Variants in POLDIP3 observed in about 807,000 individuals in gnomAD.
POLDIP3 encodes the protein DNA polymerase delta interacting protein 3, also known as polymerase delta-interacting protein 3.
A neutral mutation model predicts 45.1 loss-of-function variants in POLDIP3; 14 were observed. The ratio of observed to expected loss-of-function variants is 0.31; its 90% CI spans 0.20 to 0.49. The LOEUF (loss-of-function observed/expected upper bound fraction) is 0.49. POLDIP3 is among the 20% of genes least tolerant of loss of function. POLDIP3 has a pLI of 0.99. For synonymous variants in POLDIP3, 223 were observed against 205.2 expected (o/e 1.09, Z -0.74); for missense variants, 511 against 538.8 (o/e 0.95, Z 0.51).
chr22:42,586,207 C>T (rs757274266), intron 8 of POLDIP3, among the ~76,000 whole-genome samples: 1 of 152,072 alleles, frequency 6.6e-6, no homozygotes, highest in Non-Finnish European at 1.5e-5. Context: ...AGGCGTGTAC[C>T]ACCATGCCTG....
rs1007487273 is a variant in POLDIP3 at position 42,602,713 on chromosome 22, CT to C, written c.450+56del. 2.0e-5 allele frequency: 30 copies of C among 1,534,080 alleles called. No homozygotes were observed. In the African/African-American group the frequency reaches 4.1e-4, roughly 21 times the overall value. On this transcript the variant is annotated intron_variant, in intron 2 of 8. Coordinates refer to ENST00000252115, the MANE Select transcript of POLDIP3 (RefSeq NM_032311.5). ...CCCAGTCACTCCTGGCACCTTGCCT[CT>C]AAATCTACCTTTGTTACTAGCTTTC...
At chr22:42,594,837 T>C (rs1173365406) in intron 6 of POLDIP3, among the ~76,000 whole-genome samples, 2 of 152,218 alleles carry the variant, frequency 1.3e-5, no homozygotes, top group South Asian at 2.1e-4. Context: ...TTTGGAATCA[T>C]CTTGTAATAC....
chr22:42,610,236 A>G (rs932260916), intron 1 of POLDIP3, among the ~76,000 whole-genome samples: 6 of 152,224 alleles, frequency 3.9e-5, no homozygotes, highest in African/African-American at 1.4e-4. Context: ...CAGATGTTTC[A>G]TTTTAAAACA....
At position 42,584,237 on chromosome 22, in the gene POLDIP3, TAGG is replaced by T. The variant is rs1024426868; in HGVS notation, c.*1551_*1553del. On this transcript the variant is annotated 3_prime_UTR_variant, in exon 9 of 9. Coordinates refer to ENST00000252115, the MANE Select transcript of POLDIP3 (RefSeq NM_032311.5). ...GAAGTCTGCACCCACTTGAAAGGGT[TAGG>T]AGAATAAAAAGCAGCATTCTTTAAA... 4 of 153,580 alleles carry T rather than the reference TAGG, an allele frequency of 2.6e-5. No homozygotes were observed. Among genetic ancestry groups the T allele is most frequent in the African/African-American group, 7.2e-5 (3 of 41,432 alleles). The allele number at this position is 153,580 out of a possible 1,614,324, so 9.5% of individuals were successfully genotyped here.
At chr22:42,597,763 A>G (rs996371504) in intron 4 of POLDIP3, 5 of 461,154 alleles carry the variant, frequency 1.1e-5, no homozygotes, top group African/African-American at 1.0e-4. Context: ...AACTGGCATC[A>G]TTCAGCTTCA....
chr22:42,594,494 G>A (rs1925864501), intron 6 of POLDIP3, among the ~76,000 whole-genome samples: 1 of 152,208 alleles, frequency 6.6e-6, no homozygotes, highest in Non-Finnish European at 1.5e-5. Flanking sequence ...TTGGGTGACA[G>A]AGTGAGACTC....
intron 6 of POLDIP3, 36 bp downstream of exon 6, chr22:42,595,501 T>G: frequency 9.5e-6 from 15 of 1,583,472 alleles, no homozygotes; most frequent in East Asian, 2.2e-5. Context: ...CAGAGGCAGT[T>G]TGAGATTTAA....
At chr22:42,612,449 G>A (rs138374211) in intron 1 of POLDIP3, among the ~76,000 whole-genome samples, 17 of 152,348 alleles carry the variant, frequency 1.1e-4, no homozygotes, top group Non-Finnish European at 1.2e-4. Context: ...TGCTCCAGGG[G>A]CGTTGTGTGC....
chr22:42,600,765 T>C (rs1343673844), intron 3 of POLDIP3, among the ~76,000 whole-genome samples: 1 of 151,290 alleles, frequency 6.6e-6, no homozygotes, highest in Non-Finnish European at 1.5e-5. Flanking sequence ...AGGTCAGGAG[T>C]TCGAGATCAG....
intron 1 of POLDIP3, among the ~76,000 whole-genome samples, chr22:42,606,709 T>A (rs962117230): frequency 1.3e-5 from 2 of 152,220 alleles, no homozygotes; most frequent in African/African-American, 4.8e-5. Context: ...ACTACAGCCT[T>A]GACCTCCTGC....
chr22:42,601,843 C>A (rs528426643), intron 3 of POLDIP3, 127 bp downstream of exon 3: 1 of 1,162,430 alleles, frequency 8.6e-7, no homozygotes, highest in Non-Finnish European at 1.2e-6. Context: ...ATACTACCAA[C>A]TGGGAACTAC....
rs1276174184 is a variant in POLDIP3 at position 42,584,832 on chromosome 22, G to A, written c.*959C>T. 4.4e-6 allele frequency: 2 copies of A among 453,390 alleles called. No homozygotes were observed. The highest frequency in any genetic ancestry group is 1.4e-4 in the East Asian group (2 of 14,406). 28.1% of individuals were successfully genotyped at this position (453,390 alleles called of 1,614,324 possible). A position where few individuals can be genotyped will look rare whatever the true frequency, so the allele number is the denominator to read the frequency against. On this transcript the variant is annotated 3_prime_UTR_variant, in exon 9 of 9. Transcript: ENST00000252115. ...TCCAGGCATCCCTGACCACTGTCCT[G>A]TAGACAACTGAGGCCAGAAATGGAG...
At chr22:42,593,911 TAAAGGA>T (rs1925823068) in intron 6 of POLDIP3, among the ~76,000 whole-genome samples, 1 of 152,188 alleles carries the variant, frequency 6.6e-6, no homozygotes, top group Non-Finnish European at 1.5e-5. Context: ...CTGTCCCTGC[TAAAGGA>T]GAAGGAGATA....
chr22:42,596,692 T>C (rs1601891581), intron 4 of POLDIP3, among the ~76,000 whole-genome samples: 1 of 152,080 alleles, frequency 6.6e-6, no homozygotes, highest in African/African-American at 2.4e-5. Context: ...ACTTAGACTT[T>C]CTAAAAATTC....
intron 4 of POLDIP3, among the ~76,000 whole-genome samples, 181 bp downstream of exon 4, chr22:42,599,517 T>C (rs1926212051): frequency 6.6e-6 from 1 of 152,128 alleles, no homozygotes; most frequent in Non-Finnish European, 1.5e-5. Context: ...GGCAGGATAA[T>C]AGCTTGAACC....
chr22:42,594,404 G>A lies in POLDIP3; in HGVS notation c.891+1133C>T, dbSNP rs559098986. ...CAGGCGCCTCTAATCCCAGCTACTC[G>A]GGAGGCTGAGGCAGGAGAATTGCTA... On this transcript the variant is annotated intron_variant, in intron 6 of 8. Transcript: ENST00000252115. Among the ~76,000 whole-genome samples, 6 of 152,272 alleles carry A rather than the reference G, an allele frequency of 3.9e-5. No homozygotes were observed. The East Asian group carries it at 5.8e-4, about 15-fold the overall frequency.
intron 1 of POLDIP3, among the ~76,000 whole-genome samples, chr22:42,607,830 C>A (rs1264907136): frequency 2.7e-5 from 4 of 148,944 alleles, no homozygotes; most frequent in Non-Finnish European, 5.9e-5. Flanking sequence ...AGCTTCTCTG[C>A]CCGGCCACCC....
At chr22:42,586,750 A>G (rs1302876137) in intron 8 of POLDIP3, among the ~76,000 whole-genome samples, 1 of 152,200 alleles carries the variant, frequency 6.6e-6, no homozygotes, top group East Asian at 1.9e-4. Flanking sequence ...AGTCTATTTC[A>G]GCCCTGCCCC....
intron 6 of POLDIP3, among the ~76,000 whole-genome samples, chr22:42,592,941 T>C (rs1925759533): frequency 6.6e-6 from 1 of 152,220 alleles, no homozygotes; most frequent in Non-Finnish European, 1.5e-5. Context: ...GAAAAGGTCC[T>C]TGACATGGTT....
Sources: allele counts gnomAD v4.1 joint callset (sites outside exome capture counted in the v4.1 genomes callset), GRCh38; gene constraint gnomAD v4.1.1; transcripts MANE v1.5; gene names NCBI Gene and HGNC (gene_info 2026-07-23, HGNC 2026-07-21).